The following ANK2 variants were observed in gnomAD, a reference collection of about 807,000 sequenced individuals.
ANK2 encodes ankyrin 2.
In ANK2, 83 loss-of-function variants were observed where a neutral mutation model predicts 360.5. The observed-to-expected ratio is 0.23, with a 90% confidence interval of 0.19 to 0.28. The LOEUF (loss-of-function observed/expected upper bound fraction) is 0.28, where lower values mean the gene tolerates loss of function less well. Among genes scored for constraint, ANK2 ranks in the 10% least tolerant of loss-of-function variants. ANK2 has a pLI of 1.00. For missense variants in ANK2, 4,201 were observed against 4,795.7 expected (o/e 0.88, Z 3.66); for synonymous variants, 1,740 against 1,759.5 (o/e 0.99, Z 0.28).
chr4:113,156,368 A>AATTT (rs2097290918), intron 1 of ANK2, among the ~76,000 whole-genome samples: 3 of 79,140 alleles, frequency 3.8e-5, no homozygotes, highest in African/African-American at 1.5e-4. Context: ...ATGTAGAAAA[A>AATTT]TTCTTTTTTT....
At chr4:112,746,203 C>G in the ANK2 span, among the ~76,000 whole-genome samples, 1 of 151,996 alleles carries the variant, frequency 6.6e-6, no homozygotes, top group Non-Finnish European at 1.5e-5. Flanking sequence ...TGTACAAGAA[C>G]TAAAACAATT....
chr4:113,015,432 A>G (rs2056342005), intron 2 of ANK2, among the ~76,000 whole-genome samples: 1 of 152,218 alleles, frequency 6.6e-6, no homozygotes, highest in Non-Finnish European at 1.5e-5. Context: ...CATATGTCCG[A>G]ACTTTAAGAA....
At chr4:112,987,295 G>A (rs1189786571) in intron 2 of ANK2, among the ~76,000 whole-genome samples, 1 of 152,182 alleles carries the variant, frequency 6.6e-6, no homozygotes, top group Non-Finnish European at 1.5e-5. Context: ...TAAGTGGAAT[G>A]GGCAGTGCTG....
chr4:112,738,890 A>C, the ANK2 span: 217 of 675,674 alleles, frequency 3.2e-4, 1 homozygote, highest in Admixed American at 1.2e-3. Context: ...AACAAACAAA[A>C]AAACAAAAAA....
chr4:113,108,824 G>C (rs1258491422), intron 1 of ANK2, among the ~76,000 whole-genome samples: 1 of 152,088 alleles, frequency 6.6e-6, no homozygotes, highest in African/African-American at 2.4e-5. Flanking sequence ...GAACCATCAA[G>C]TTTGGTTTTC....
chr4:112,788,978 A>G, the ANK2 span: 35 of 551,710 alleles, frequency 6.3e-5, no homozygotes, highest in Non-Finnish European at 9.9e-5. Context: ...ACCATATTTT[A>G]TGTATTTTTA....
At chr4:113,218,650 A>C (rs982221366) in intron 4 of ANK2, among the ~76,000 whole-genome samples, 1 of 152,198 alleles carries the variant, frequency 6.6e-6, no homozygotes, top group Non-Finnish European at 1.5e-5. Flanking sequence ...TGGTCTAACC[A>C]TATCATATAG....
At chr4:113,304,191 C>A in intron 23 of ANK2, among the ~76,000 whole-genome samples, 1 of 152,134 alleles carries the variant, frequency 6.6e-6, no homozygotes, top group East Asian at 1.9e-4. Context: ...TTTGTGGGAT[C>A]ATCTTTATTA....
At chr4:112,849,643 T>C (rs1224904890) in intron 1 of ANK2, among the ~76,000 whole-genome samples, 1 of 152,212 alleles carries the variant, frequency 6.6e-6, no homozygotes, top group East Asian at 1.9e-4. Flanking sequence ...GTTTCCTCAT[T>C]GCTGTCCAGA....
chr4:113,063,137 TGTGTGTGTATGA>T (rs2074225235), intron 1 of ANK2, among the ~76,000 whole-genome samples: 1 of 152,066 alleles, frequency 6.6e-6, no homozygotes, highest in Non-Finnish European at 1.5e-5. Flanking sequence ...TTCATATCTC[TGTGTGTGTATGA>T]GTGTGTGTAT....
chr4:112,892,895 G>A (rs1235214403), intron 1 of ANK2, among the ~76,000 whole-genome samples: 1 of 152,144 alleles, frequency 6.6e-6, no homozygotes, highest in Non-Finnish European at 1.5e-5. Context: ...TTAAGCTGTT[G>A]CTTTTAGGAT....
intron 1 of ANK2, among the ~76,000 whole-genome samples, chr4:112,832,016 G>A (rs186337948): frequency 2.0e-5 from 3 of 152,148 alleles, no homozygotes; most frequent in Non-Finnish European, 4.4e-5. Context: ...CACTGCAAGC[G>A]TCCATGGCTT....
At chr4:113,176,418 G>A (rs2098202203) in intron 2 of ANK2, among the ~76,000 whole-genome samples, 1 of 151,892 alleles carries the variant, frequency 6.6e-6, no homozygotes, top group Admixed American at 6.6e-5. Context: ...TTCGTATGTT[G>A]TGTCTACATT....
chr4:113,222,314 A>G (rs2099160131), intron 4 of ANK2, among the ~76,000 whole-genome samples: 1 of 152,126 alleles, frequency 6.6e-6, no homozygotes, highest in South Asian at 2.1e-4. Context: ...GCTCATCCCT[A>G]GTAAATGGCT....
intron 1 of ANK2, among the ~76,000 whole-genome samples, chr4:113,113,704 T>C (rs2094506327): frequency 6.6e-6 from 1 of 152,138 alleles, no homozygotes; most frequent in Non-Finnish European, 1.5e-5. Context: ...CCTTTTAATG[T>C]GGTGCATGCA....
At chr4:113,309,672 C>A (rs1445239131) in intron 23 of ANK2, among the ~76,000 whole-genome samples, 1 of 152,072 alleles carries the variant, frequency 6.6e-6, no homozygotes, top group East Asian at 1.9e-4. Flanking sequence ...GTGCATGACA[C>A]CATGACCTGC....
At position 113,359,321 on chromosome 4, in the gene ANK2, T is replaced by A. The variant is rs1458490641; in HGVS notation, c.10681+22T>A. 46 of 1,612,750 alleles carry A rather than the reference T, an allele frequency of 2.9e-5. No homozygotes were observed. In the East Asian group the frequency reaches 1.0e-3, roughly 35 times the overall value. ...GAAGGTATTTGCCAGCCACCGGGAT[T>A]CCCTGTGCTACGCATGTCATAAAAT... On this transcript the variant is annotated intron_variant, in intron 38 of 45. Transcript: ENST00000357077.
At chr4:113,174,124 G>A (rs1267132791) in intron 1 of ANK2, 6 of 345,234 alleles carry the variant, frequency 1.7e-5, no homozygotes, top group South Asian at 4.9e-5. Flanking sequence ...GCATCAACAC[G>A]TCTTCAATTG....
Position 112,878,959 on chromosome 4 carries a change from A to T in ANK2, c.-39-25496A>T, listed in dbSNP as rs148569837. 3.6e-4 allele frequency among the ~76,000 whole-genome samples: 55 copies of T among 152,214 alleles called. 1 individual carries two copies. In the East Asian group the frequency reaches 9.5e-3, roughly 26 times the overall value. On this transcript the variant is annotated intron_variant, in intron 1 of 30. Coordinates refer to the ANK2 transcript ENST00000503271. ...TTTTTAATGGTATATCTAGGCACAA[A>T]ATGCTAGGAAGGACTCATTGAGGGA...
Sources: allele counts gnomAD v4.1 joint callset (sites outside exome capture counted in the v4.1 genomes callset), GRCh38; gene constraint gnomAD v4.1.1; transcripts MANE v1.5; gene names NCBI Gene and HGNC (gene_info 2026-07-23, HGNC 2026-07-21).